The following GRM5 variants were observed in gnomAD, a reference collection of about 807,000 sequenced individuals.
The protein encoded by GRM5 is metabotropic glutamate receptor 5.
A neutral mutation model predicts 83.1 loss-of-function variants in GRM5; 19 were observed. That is an observed-to-expected ratio of 0.23 (90% CI 0.16 to 0.34). The LOEUF is 0.34. Ranked by LOEUF, GRM5 falls within the 10% of genes least tolerant of loss-of-function variation. The pLI, the probability that GRM5 is intolerant of heterozygous loss-of-function variation, is 1.00. For synonymous variants in GRM5, 675 were observed against 633.6 expected (o/e 1.07, Z -0.98); for missense variants, 1,160 against 1,588.3 (o/e 0.73, Z 4.58).
intron 8 of GRM5, among the ~76,000 whole-genome samples, chr11:88,551,933 G>A (rs941065028): frequency 6.6e-6 from 1 of 152,104 alleles, no homozygotes; most frequent in Non-Finnish European, 1.5e-5. Flanking sequence ...ATTTAGGCAA[G>A]CCTTCTTCTA....
At chr11:88,856,473 T>G (rs1031262901) in intron 2 of GRM5, among the ~76,000 whole-genome samples, 3 of 152,084 alleles carry the variant, frequency 2.0e-5, no homozygotes, top group African/African-American at 7.2e-5. Flanking sequence ...TCATCCCCTA[T>G]GATAACAATG....
intron 2 of GRM5, among the ~76,000 whole-genome samples, chr11:88,859,294 A>G (rs1264377513): frequency 1.3e-5 from 2 of 152,094 alleles, no homozygotes; most frequent in Non-Finnish European, 2.9e-5. Context: ...TGGAAACTCA[A>G]GAAGTTTTCT....
chr11:88,586,960 A>G (rs550240951), intron 7 of GRM5, among the ~76,000 whole-genome samples: 2 of 152,246 alleles, frequency 1.3e-5, no homozygotes, highest in East Asian at 1.9e-4. Flanking sequence ...CTTAATACCT[A>G]CTTTAATCTT....
chr11:88,700,411 T>C (rs187602768), intron 3 of GRM5, among the ~76,000 whole-genome samples: 3 of 152,116 alleles, frequency 2.0e-5, no homozygotes, highest in South Asian at 2.1e-4. Flanking sequence ...TTCTTCAGAA[T>C]TGATATAGTT....
At chr11:89,032,733 T>G (rs115055916) in intron 2 of GRM5, among the ~76,000 whole-genome samples, 3,303 of 152,174 alleles carry the variant, frequency 0.022, 117 homozygotes, top group African/African-American at 0.076. Flanking sequence ...CAAATAGTGA[T>G]GGACCAGCAA....
chr11:88,540,226 C>T lies in GRM5; in HGVS notation c.2631-14822G>A, dbSNP rs115402528. The stretch of plus-strand genomic sequence containing the variant: ...CTTTCTTTCTCTAGCCTTCTTCCTT[C>T]ACCTTTCTTGCCCTTTTAACCCCTC... On this transcript the variant is annotated intron_variant, in intron 8 of 9. Transcript: ENST00000305447. Among the ~76,000 whole-genome samples the T allele has an allele frequency of 6.4e-3, 976 of 152,340 alleles. 14 individuals carry two copies. Among genetic ancestry groups the T allele is most frequent in the African/African-American group, 0.023 (936 of 41,574 alleles).
At chr11:88,790,856 T>C (rs536042016) in intron 3 of GRM5, among the ~76,000 whole-genome samples, 7 of 152,326 alleles carry the variant, frequency 4.6e-5, no homozygotes, top group African/African-American at 1.7e-4. Context: ...TAGCATATGA[T>C]GGGCTGCAAA....
At chr11:88,879,715 T>C (rs1202999058) in intron 2 of GRM5, among the ~76,000 whole-genome samples, 1 of 151,984 alleles carries the variant, frequency 6.6e-6, no homozygotes, top group African/African-American at 2.4e-5. Flanking sequence ...TTTTACCTGT[T>C]TATTTTATCT....
At chr11:89,061,827 T>C (rs1942000581) in intron 1 of GRM5, among the ~76,000 whole-genome samples, 1 of 152,238 alleles carries the variant, frequency 6.6e-6, no homozygotes, top group South Asian at 2.1e-4. Flanking sequence ...TTTGGGCTTT[T>C]TGTGAGTGTG....
Position 88,567,412 on chromosome 11 carries a change from A to G in GRM5, c.2271T>C (p.Tyr757=), listed in dbSNP as rs375776624. ...NGLLILSCTF[Y]AFKTRNVPAN... is the part of the protein sequence containing the mutation. ...CTGGAACATTTCTGGTCTTGAACGC[A>G]TAGAAGGTGCAGCTCAAAATCAACA... Residue 757 remains tyrosine, a synonymous_variant, in exon 8 of 10, where the codon TAT becomes TAC. Transcript: ENST00000305447. The surrounding 1 kb of genome is among the most constrained non-coding windows in gnomAD (Gnocchi z 7.3). The G allele has an allele frequency of 3.7e-6, 6 of 1,614,018 alleles. No individual in the cohort carries two copies. The highest frequency in any genetic ancestry group is 5.1e-6 in the Non-Finnish European group (6 of 1,179,850).
intron 9 of GRM5, chr11:88,512,169 G>A (rs1207880311): frequency 1.3e-5 from 2 of 154,352 alleles, no homozygotes; most frequent in Admixed American, 6.5e-5. Flanking sequence ...CTCTAGGTGA[G>A]TGTGTGATGA....
At chr11:88,550,580 A>G (rs1251630121) in intron 8 of GRM5, among the ~76,000 whole-genome samples, 1 of 152,166 alleles carries the variant, frequency 6.6e-6, no homozygotes, top group Non-Finnish European at 1.5e-5. Flanking sequence ...TTGTCTTCAG[A>G]CGTTGACTGG....
chr11:88,881,158 T>A (rs1176345353), intron 2 of GRM5, among the ~76,000 whole-genome samples: 4 of 149,544 alleles, frequency 2.7e-5, no homozygotes, highest in African/African-American at 7.6e-5. Flanking sequence ...AAAAAAAAAA[T>A]ATTATTAAAA....
intron 2 of GRM5, among the ~76,000 whole-genome samples, chr11:88,941,115 A>C (rs2135665343): frequency 6.6e-6 from 1 of 151,942 alleles, no homozygotes; most frequent in South Asian, 2.1e-4. Flanking sequence ...TTTTATACTA[A>C]TAAGAAGCAA....
chr11:88,833,226 A>G (rs1479211065), intron 3 of GRM5, among the ~76,000 whole-genome samples: 1 of 152,122 alleles, frequency 6.6e-6, no homozygotes, highest in Non-Finnish European at 1.5e-5. Flanking sequence ...CTGACAAGAG[A>G]GTAATATTTA....
intron 3 of GRM5, among the ~76,000 whole-genome samples, chr11:88,656,145 G>T (rs1200471423): frequency 1.7e-4 from 5 of 30,210 alleles, no homozygotes. Context: ...TAATTTTTTG[G>T]GTGACACGTA....
intron 3 of GRM5, among the ~76,000 whole-genome samples, chr11:88,725,439 G>A (rs370384621): frequency 6.6e-6 from 1 of 152,156 alleles, no homozygotes; most frequent in Non-Finnish European, 1.5e-5. Flanking sequence ...CCTGGGCGAA[G>A]GGGTGACTGT....
intron 3 of GRM5, among the ~76,000 whole-genome samples, chr11:88,846,754 C>T (rs1469888514): frequency 7.5e-6 from 1 of 133,730 alleles, no homozygotes; most frequent in Non-Finnish European, 1.6e-5. Flanking sequence ...AGAGAAGGAG[C>T]AAAAAGAGAG....
chr11:89,028,637 T>A (rs1385352824), intron 2 of GRM5, among the ~76,000 whole-genome samples: 2 of 152,138 alleles, frequency 1.3e-5, no homozygotes, highest in South Asian at 2.1e-4. Context: ...GTACTATAAT[T>A]TTTAGCCATA....
Sources: gnomAD v4.1 joint callset for allele counts (sites outside exome capture counted in the v4.1 genomes callset) on GRCh38, gnomAD v4.1.1 for gene constraint, Gnocchi (gnomAD v3.1) non-coding constraint, MANE v1.5 for transcripts, NCBI Gene and HGNC (gene_info 2026-07-23, HGNC 2026-07-21) for gene names.